PPFIBP1: variants seen among roughly 807,000 people sequenced by gnomAD.
PPFIBP1 encodes the protein PPFIB scaffold protein 1, also known as liprin-beta-1.
In PPFIBP1, 112 loss-of-function variants were observed where a neutral mutation model predicts 137.8. That is an observed-to-expected ratio of 0.81 (90% CI 0.70 to 0.95). PPFIBP1 has a LOEUF of 0.95. Among genes scored for constraint, PPFIBP1 ranks in the 40% least tolerant of loss-of-function variants. The probability of loss-of-function intolerance (pLI) is 0.00; values close to 1 mark genes in which losing one functional copy is unlikely to be tolerated. For synonymous variants in PPFIBP1, 378 were observed against 417.3 expected, an observed-to-expected ratio of 0.91 and a Z score of 1.15; for missense variants, 1,083 against 1,196.6, an observed-to-expected ratio of 0.91 and a Z score of 1.40.
At chr12:27,612,328 G>GGTT (rs2055209768) in intron 2 of PPFIBP1, among the ~76,000 whole-genome samples, 15 of 87,252 alleles carry the variant, frequency 1.7e-4, no homozygotes, top group Admixed American at 1.3e-3. Context: ...CTTTATTGGT[G>GGTT]TTTTTTTTTT....
chr12:27,613,903 G>A (rs769975307), intron 2 of PPFIBP1, among the ~76,000 whole-genome samples: 7 of 152,098 alleles, frequency 4.6e-5, no homozygotes, highest in Non-Finnish European at 1.0e-4. Context: ...CGTTTGGGAA[G>A]ACAATGACCT....
chr12:27,664,420 C>T lies in PPFIBP1; in HGVS notation c.965C>T (p.Thr322Met), dbSNP rs142893025. The T allele has an allele frequency of 5.6e-6, 9 of 1,612,618 alleles. No homozygotes were observed. Among genetic ancestry groups the T allele is most frequent in the South Asian group, 4.4e-5 (4 of 91,008 alleles). Residue 322 changes from threonine (T) to methionine (M), a missense_variant, in exon 12 of 30, where the codon ACG becomes ATG. By Grantham distance (81) the Thr-to-Met change is moderately conservative. Coordinates refer to ENST00000228425, the MANE Select transcript of PPFIBP1 (RefSeq NM_003622.4). ...AACAGGTACAAGAAAATGCAAGACA[C>T]GGTGGTACTGGCCCAAGGTAAAAAA... ...CLNRYKKMQD[T>M]VVLAQGKKGK...
chr12:27,535,599 A>G (rs1351017567), intron 1 of PPFIBP1, among the ~76,000 whole-genome samples: 1 of 152,022 alleles, frequency 6.6e-6, no homozygotes, highest in Non-Finnish European at 1.5e-5. Flanking sequence ...GGATCTCACC[A>G]TGTTGCTCAG....
chr12:27,526,589 T>C (rs1033347695), intron 1 of PPFIBP1, among the ~76,000 whole-genome samples: 42 of 152,162 alleles, frequency 2.8e-4, no homozygotes, highest in Admixed American at 1.8e-3. Context: ...ATCCAAGCAC[T>C]TTAGGAGGCT....
chr12:27,525,542 C>T (rs896672750), intron 1 of PPFIBP1, among the ~76,000 whole-genome samples: 5 of 147,820 alleles, frequency 3.4e-5, no homozygotes, highest in Non-Finnish European at 7.4e-5. Context: ...AAAAAGTAAG[C>T]GCTGAGACTC....
At chr12:27,603,777 C>T (rs2054238261) in intron 2 of PPFIBP1, among the ~76,000 whole-genome samples, 1 of 152,166 alleles carries the variant, frequency 6.6e-6, no homozygotes, top group Non-Finnish European at 1.5e-5. Context: ...TCCTTTTGGG[C>T]TAAGCAGAGG....
At chr12:27,528,928 T>C (rs1482737601) in intron 1 of PPFIBP1, among the ~76,000 whole-genome samples, 1 of 152,210 alleles carries the variant, frequency 6.6e-6, no homozygotes, top group African/African-American at 2.4e-5. Flanking sequence ...TTGGTTATGC[T>C]TCTCCCTGGA....
intron 4 of PPFIBP1, among the ~76,000 whole-genome samples, chr12:27,643,060 G>T (rs1251063756): frequency 6.6e-6 from 1 of 151,668 alleles, no homozygotes; most frequent in African/African-American, 2.4e-5. Flanking sequence ...TAGCTCAGTT[G>T]GTTAGAGCGT....
intron 1 of PPFIBP1, among the ~76,000 whole-genome samples, chr12:27,543,527 C>T (rs398675): frequency 0.079 from 12,064 of 152,080 alleles, 564 homozygotes; most frequent in African/African-American, 0.12. Context: ...TTTTTTCCAC[C>T]TTTTGGTAGG....
chr12:27,558,835 A>C (rs2048924579), intron 1 of PPFIBP1, among the ~76,000 whole-genome samples: 1 of 152,058 alleles, frequency 6.6e-6, no homozygotes, highest in African/African-American at 2.4e-5. Flanking sequence ...CTGGATATAA[A>C]TCATAGCTAT....
chr12:27,687,634 T>G, intron 25 of PPFIBP1, 127 bp downstream of exon 25: 2 of 1,122,732 alleles, frequency 1.8e-6, no homozygotes, highest in South Asian at 3.5e-5. Flanking sequence ...CTCATTTACT[T>G]CTTAGGCTTT....
chr12:27,689,438 A>AT (rs1292469473), intron 27 of PPFIBP1, among the ~76,000 whole-genome samples: 1 of 150,548 alleles, frequency 6.6e-6, no homozygotes, highest in Non-Finnish European at 1.5e-5. Context: ...TATTGTAAGA[A>AT]TAAAAAAAAA....
At chr12:27,589,103 A>G (rs1050066015) in intron 2 of PPFIBP1, among the ~76,000 whole-genome samples, 4 of 152,194 alleles carry the variant, frequency 2.6e-5, no homozygotes, top group Non-Finnish European at 4.4e-5. Flanking sequence ...CCACCCGTCC[A>G]TCTTGAAATT....
chr12:27,683,843 A>G (rs897707414), intron 24 of PPFIBP1, among the ~76,000 whole-genome samples: 1 of 151,902 alleles, frequency 6.6e-6, no homozygotes, highest in Non-Finnish European at 1.5e-5. Context: ...GCTGGAGTGC[A>G]GTGGTGCGAT....
intron 19 of PPFIBP1, 130 bp from the exon 20 acceptor site, chr12:27,679,359 A>G (rs2140335055): frequency 2.4e-6 from 2 of 844,210 alleles, no homozygotes; most frequent in African/African-American, 1.7e-5. Context: ...TAATATTTAC[A>G]AGGTGCTCTT....
chr12:27,573,622 A>G (rs1025819897), intron 1 of PPFIBP1, among the ~76,000 whole-genome samples: 2 of 152,214 alleles, frequency 1.3e-5, no homozygotes, highest in African/African-American at 4.8e-5. Flanking sequence ...TTTAAAGTCA[A>G]ACTCAAGGAT....
intron 2 of PPFIBP1, among the ~76,000 whole-genome samples, chr12:27,601,364 A>C (rs1220886800): frequency 1.3e-5 from 2 of 152,126 alleles, no homozygotes. Flanking sequence ...GATGGGTATG[A>C]TTTCCTATGC....
At chr12:27,646,914 G>A (rs374295651) in intron 5 of PPFIBP1, among the ~76,000 whole-genome samples, 26 of 152,254 alleles carry the variant, frequency 1.7e-4, no homozygotes, top group South Asian at 1.0e-3. Context: ...GGCACCTTTG[G>A]GTATATTGAG....
At chr12:27,686,598 A>G (rs1304814880) in intron 24 of PPFIBP1, among the ~76,000 whole-genome samples, 3 of 152,208 alleles carry the variant, frequency 2.0e-5, no homozygotes, top group African/African-American at 4.8e-5. Context: ...TCTGCTAGAT[A>G]AACCATAATA....
Sources: allele counts gnomAD v4.1 joint callset (sites outside exome capture counted in the v4.1 genomes callset), GRCh38; gene constraint gnomAD v4.1.1; transcripts MANE v1.5; gene names NCBI Gene and HGNC (gene_info 2026-07-23, HGNC 2026-07-21).